GRIK2: variants seen among roughly 807,000 people sequenced by gnomAD.
GRIK2 encodes the protein glutamate receptor ionotropic, kainate 2.
Under a neutral mutation model 100.3 loss-of-function variants are expected in GRIK2, and 32 were observed. That is an observed-to-expected ratio of 0.32 (90% CI 0.24 to 0.43). The LOEUF is 0.43. Among genes scored for constraint, GRIK2 ranks in the 20% least tolerant of loss-of-function variants. The pLI is 1.00. For missense variants in GRIK2, 843 were observed against 1,114.9 expected (o/e 0.76, Z 3.47); for synonymous variants, 417 against 389.4 (o/e 1.07, Z -0.83).
intron 2 of GRIK2, among the ~76,000 whole-genome samples, chr6:101,549,785 G>C (rs2128292027): frequency 6.6e-6 from 1 of 152,298 alleles, no homozygotes; most frequent in African/African-American, 2.4e-5. Context: ...TGGAATGTCA[G>C]TGTCTTGAGT....
chr6:101,576,982 A>G (rs1032686791), intron 2 of GRIK2, among the ~76,000 whole-genome samples: 1 of 152,114 alleles, frequency 6.6e-6, no homozygotes, highest in African/African-American at 2.4e-5. Flanking sequence ...ATCTAATCAG[A>G]TTGTCTTTAG....
intron 14 of GRIK2, among the ~76,000 whole-genome samples, chr6:101,954,152 G>A (rs2128480153): frequency 6.6e-6 from 1 of 152,190 alleles, no homozygotes; most frequent in Admixed American, 6.5e-5. Context: ...CTTGCTTACT[G>A]TAGTTTGGAA....
chr6:101,547,323 A>ATT (rs78256290), intron 2 of GRIK2, among the ~76,000 whole-genome samples: 28,362 of 151,826 alleles, frequency 0.19, 3,373 homozygotes, highest in African/African-American at 0.34. Flanking sequence ...TTTTTTTTGG[A>ATT]TTTTTTTTAT....
intron 2 of GRIK2, among the ~76,000 whole-genome samples, chr6:101,455,807 A>G (rs1184262539): frequency 6.6e-6 from 1 of 152,132 alleles, no homozygotes; most frequent in Non-Finnish European, 1.5e-5. Context: ...GAGAGAAAAT[A>G]ACGGTATTTA....
chr6:101,540,218 T>C (rs1246448235), intron 2 of GRIK2, among the ~76,000 whole-genome samples: 1 of 151,918 alleles, frequency 6.6e-6, no homozygotes, highest in Non-Finnish European at 1.5e-5. Flanking sequence ...TTGGTGCATA[T>C]AAAAAGACTG....
intron 4 of GRIK2, among the ~76,000 whole-genome samples, chr6:101,654,083 T>G (rs185706615): frequency 6.6e-6 from 1 of 152,306 alleles, no homozygotes; most frequent in Non-Finnish European, 1.5e-5. Context: ...TAGCATCTAC[T>G]TCACAGTAGC....
At chr6:101,822,985 A>G (rs1360481702) in intron 10 of GRIK2, among the ~76,000 whole-genome samples, 1 of 152,184 alleles carries the variant, frequency 6.6e-6, no homozygotes, top group Non-Finnish European at 1.5e-5. Context: ...TTTCTCATCC[A>G]GAAGTCCCAC....
chr6:101,884,014 A>G (rs980520096), intron 11 of GRIK2, among the ~76,000 whole-genome samples: 4 of 152,126 alleles, frequency 2.6e-5, no homozygotes, highest in Non-Finnish European at 5.9e-5. Context: ...AAGAATGAAA[A>G]TAGGGGACCA....
chr6:101,496,797 T>C (rs1037149262), intron 2 of GRIK2, among the ~76,000 whole-genome samples: 2 of 152,178 alleles, frequency 1.3e-5, no homozygotes, highest in Admixed American at 6.6e-5. Context: ...AAGTCACTTA[T>C]GTTTCAGACC....
intron 7 of GRIK2, among the ~76,000 whole-genome samples, chr6:101,745,978 A>G (rs976278674): frequency 2.0e-5 from 3 of 152,216 alleles, no homozygotes; most frequent in Non-Finnish European, 4.4e-5. Flanking sequence ...CAGAATGTCA[A>G]GATAACAAAT....
intron 7 of GRIK2, among the ~76,000 whole-genome samples, chr6:101,700,859 G>A (rs1276478497): frequency 2.0e-5 from 3 of 152,084 alleles, no homozygotes; most frequent in African/African-American, 7.2e-5. Flanking sequence ...AGAGCCCAGG[G>A]GGCTCAAAGG....
chr6:101,644,002 T>G (rs1781405917), intron 4 of GRIK2, among the ~76,000 whole-genome samples: 3 of 151,744 alleles, frequency 2.0e-5, no homozygotes, highest in African/African-American at 7.2e-5. Flanking sequence ...TGAGCTCACT[T>G]CCTTATTTGT....
intron 2 of GRIK2, among the ~76,000 whole-genome samples, chr6:101,402,521 G>T (rs1775373401): frequency 6.6e-6 from 1 of 152,082 alleles, no homozygotes; most frequent in Non-Finnish European, 1.5e-5. Context: ...CTAGGGTGCT[G>T]CCCCGAGGCT....
At chr6:101,527,007 A>G (rs1775189146) in intron 2 of GRIK2, among the ~76,000 whole-genome samples, 1 of 152,200 alleles carries the variant, frequency 6.6e-6, no homozygotes, top group Admixed American at 6.5e-5. Context: ...AGGCTATTCC[A>G]GAATGAATGT....
intron 2 of GRIK2, among the ~76,000 whole-genome samples, chr6:101,535,021 A>C (rs1775623469): frequency 6.6e-6 from 1 of 151,668 alleles, no homozygotes; most frequent in African/African-American, 2.4e-5. Context: ...TACATCATTA[A>C]CGTATTGCTT....
chr6:101,954,695 G>GTT (rs556365576), intron 14 of GRIK2, among the ~76,000 whole-genome samples: 2 of 151,694 alleles, frequency 1.3e-5, no homozygotes, highest in South Asian at 4.2e-4. Context: ...ATGCCTTTGT[G>GTT]TTTTTTTTCT....
intron 2 of GRIK2, among the ~76,000 whole-genome samples, chr6:101,474,775 A>G (rs1011279479): frequency 1.3e-5 from 2 of 151,898 alleles, no homozygotes; most frequent in African/African-American, 4.8e-5. Flanking sequence ...CATAGCGTAC[A>G]AATTAGATAT....
intron 7 of GRIK2, among the ~76,000 whole-genome samples, chr6:101,694,401 G>C (rs1772324525): frequency 6.6e-6 from 1 of 152,010 alleles, no homozygotes; most frequent in Non-Finnish European, 1.5e-5. Context: ...GAAACAGTGG[G>C]ATATAAATCT....
intron 2 of GRIK2, among the ~76,000 whole-genome samples, chr6:101,417,323 C>T (rs1182656218): frequency 6.6e-6 from 1 of 152,134 alleles, no homozygotes; most frequent in East Asian, 1.9e-4. Context: ...ACAGCCAAAC[C>T]ATATCAGTGA....
Sources: gnomAD v4.1 joint callset for allele counts (sites outside exome capture counted in the v4.1 genomes callset) on GRCh38, gnomAD v4.1.1 for gene constraint, MANE v1.5 for transcripts, NCBI Gene and HGNC (gene_info 2026-07-23, HGNC 2026-07-21) for gene names.